WWOX: variants seen among roughly 807,000 people sequenced by gnomAD.
WWOX encodes the protein WW domain-containing oxidoreductase.
Under a neutral mutation model 46.2 loss-of-function variants are expected in WWOX, and 69 were observed. That is an observed-to-expected ratio of 1.49 (90% CI 1.23 to 1.82). The LOEUF is 1.82. Ranked by LOEUF, WWOX falls within the 40% of genes most tolerant of loss-of-function variation. The probability of loss-of-function intolerance (pLI) is 0.00; values close to 1 mark genes in which losing one functional copy is unlikely to be tolerated. For synonymous variants in WWOX, 359 were observed against 202.6 expected (o/e 1.77, Z -6.56); for missense variants, 919 against 542.6 (o/e 1.69, Z -6.89).
chr16:79,026,434 G>C lies in WWOX; in HGVS notation c.1057-185174G>C, dbSNP rs191037804. ...TCACTTCCTTTGCTGTGGACTCTCT[G>C]GGAACTGTGTCCCCTTCCTTCTCAC... On this transcript the variant is annotated intron_variant, in intron 8 of 8. Transcript: ENST00000566780. Among the ~76,000 whole-genome samples, 10 of 151,612 alleles carry C rather than the reference G, an allele frequency of 6.6e-5. No individual in the cohort carries two copies. The East Asian group carries it at 1.7e-3, about 26-fold the overall frequency.
chr16:78,829,886 C>G (rs2051768822), intron 8 of WWOX, among the ~76,000 whole-genome samples: 1 of 152,132 alleles, frequency 6.6e-6, no homozygotes, highest in African/African-American at 2.4e-5. Context: ...AGCACCAGAG[C>G]AACCCCGCCT....
At chr16:78,243,967 C>T (rs543435156) in intron 5 of WWOX, among the ~76,000 whole-genome samples, 1 of 152,322 alleles carries the variant, frequency 6.6e-6, no homozygotes, top group South Asian at 2.1e-4. Flanking sequence ...AAGCTCCTGT[C>T]CTTGACCCAA....
chr16:78,583,199 T>A (rs934219496), intron 8 of WWOX, among the ~76,000 whole-genome samples: 1 of 152,152 alleles, frequency 6.6e-6, no homozygotes, highest in African/African-American at 2.4e-5. Flanking sequence ...TTCCTGAAAC[T>A]CAGGAGGCTG....
chr16:78,889,871 T>C (rs1032486237), intron 8 of WWOX, among the ~76,000 whole-genome samples: 2 of 152,214 alleles, frequency 1.3e-5, no homozygotes, highest in Admixed American at 1.3e-4. Flanking sequence ...GTCCATAGTT[T>C]ATGATGAATT....
chr16:78,929,908 T>C (rs887592877), intron 8 of WWOX, among the ~76,000 whole-genome samples: 1 of 152,024 alleles, frequency 6.6e-6, no homozygotes, highest in African/African-American at 2.4e-5. Context: ...GAAGCAGAAT[T>C]TTCTAAGAGG....
At chr16:78,669,853 A>G (rs544368357) in intron 8 of WWOX, among the ~76,000 whole-genome samples, 4 of 152,172 alleles carry the variant, frequency 2.6e-5, no homozygotes, top group Non-Finnish European at 5.9e-5. Flanking sequence ...ATGTTTAGGG[A>G]GAAGGAAAAA....
intron 8 of WWOX, among the ~76,000 whole-genome samples, chr16:78,662,332 A>C (rs973613082): frequency 2.0e-5 from 3 of 152,218 alleles, no homozygotes; most frequent in Non-Finnish European, 2.9e-5. Context: ...TTTCATCTGC[A>C]TATACAGGAC....
At chr16:78,146,562 G>T (rs2034206079) in intron 4 of WWOX, among the ~76,000 whole-genome samples, 1 of 152,128 alleles carries the variant, frequency 6.6e-6, no homozygotes, top group Admixed American at 6.5e-5. Flanking sequence ...CGTTTCCTGA[G>T]AGGTATAGAT....
intron 8 of WWOX, among the ~76,000 whole-genome samples, chr16:79,037,066 C>G (rs1482589191): frequency 6.6e-6 from 1 of 152,198 alleles, no homozygotes; most frequent in East Asian, 1.9e-4. Flanking sequence ...ATGCAGGGCT[C>G]TTCCTCAGAC....
At chr16:78,955,626 G>A (rs1168665807) in intron 8 of WWOX, among the ~76,000 whole-genome samples, 1 of 151,458 alleles carries the variant, frequency 6.6e-6, no homozygotes, top group Non-Finnish European at 1.5e-5. Context: ...TTATTTTCTT[G>A]TTTCTTTTTA....
chr16:79,019,403 C>G (rs2047486266), intron 8 of WWOX, among the ~76,000 whole-genome samples: 1 of 152,008 alleles, frequency 6.6e-6, no homozygotes, highest in South Asian at 2.1e-4. Flanking sequence ...TGTGATTGGG[C>G]TGCGTACTGT....
chr16:78,604,027 C>G (rs767422526), intron 8 of WWOX, among the ~76,000 whole-genome samples: 1 of 152,076 alleles, frequency 6.6e-6, no homozygotes, highest in Non-Finnish European at 1.5e-5. Flanking sequence ...ACCTATAGTC[C>G]CAGCTACTAA....
intron 8 of WWOX, among the ~76,000 whole-genome samples, chr16:78,724,324 TA>T (rs896092770): frequency 2.0e-5 from 3 of 152,188 alleles, no homozygotes; most frequent in Non-Finnish European, 4.4e-5. Flanking sequence ...TTAACTTGCA[TA>T]AAAAAGAGAC....
intron 8 of WWOX, among the ~76,000 whole-genome samples, chr16:78,470,041 T>C (rs1418841156): frequency 6.6e-6 from 1 of 152,236 alleles, no homozygotes; most frequent in African/African-American, 2.4e-5. Flanking sequence ...GTTTATTTCT[T>C]GTTTATGTAA....
chr16:78,536,060 C>G (rs17706989), intron 8 of WWOX, among the ~76,000 whole-genome samples: 3,891 of 152,166 alleles, frequency 0.026, 70 homozygotes, highest in Non-Finnish European at 0.04. Context: ...AAGTTTACAG[C>G]TAGTGTTTAT....
chr16:78,114,777 C>T (rs751391608), intron 3 of WWOX, among the ~76,000 whole-genome samples, 199 bp from the exon 4 acceptor site: 10 of 152,070 alleles, frequency 6.6e-5, no homozygotes, highest in South Asian at 2.1e-4. Context: ...GGAAAGGATT[C>T]GATGACTATC....
At chr16:78,242,001 T>C (rs960778151) in intron 5 of WWOX, among the ~76,000 whole-genome samples, 2 of 152,172 alleles carry the variant, frequency 1.3e-5, no homozygotes, top group African/African-American at 4.8e-5. Context: ...GATTTGAGGC[T>C]GAGAAATGGA....
At chr16:78,695,194 C>A (rs2048072853) in intron 8 of WWOX, among the ~76,000 whole-genome samples, 1 of 151,894 alleles carries the variant, frequency 6.6e-6, no homozygotes, top group African/African-American at 2.4e-5. Context: ...GTATGAAAAC[C>A]CTGCTAGTAT....
chr16:78,520,811 T>C lies in WWOX; in HGVS notation c.1056+88059T>C, dbSNP rs532116939. Among the ~76,000 whole-genome samples the C allele has an allele frequency of 1.4e-4, 21 of 152,336 alleles. No homozygotes were observed. In the South Asian group the frequency reaches 4.3e-3, roughly 32 times the overall value. ...GTGATGAGGACTGATTTTCTGTTCGTGGCCTCTGGAAGTCCAGTTTTTCTG... is the reference window on the plus strand; with the variant it reads ...GTGATGAGGACTGATTTTCTGTTCGCGGCCTCTGGAAGTCCAGTTTTTCTG... On this transcript the variant is annotated intron_variant, in intron 8 of 8. Transcript: ENST00000566780.
Sources: allele counts gnomAD v4.1 joint callset (sites outside exome capture counted in the v4.1 genomes callset), GRCh38; gene constraint gnomAD v4.1.1; transcripts MANE v1.5; gene names NCBI Gene and HGNC (gene_info 2026-07-23, HGNC 2026-07-21).